The following SCN8A variants were observed in gnomAD, a reference collection of about 807,000 sequenced individuals.
The protein encoded by SCN8A is sodium channel protein type 8 subunit alpha.
A neutral mutation model predicts 184.1 loss-of-function variants in SCN8A; 30 were observed. The ratio of observed to expected loss-of-function variants is 0.16; its 90% CI spans 0.12 to 0.22. SCN8A has a LOEUF of 0.22. SCN8A is among the 10% of genes least tolerant of loss of function. The probability of loss-of-function intolerance (pLI) is 1.00; values close to 1 mark genes in which losing one functional copy is unlikely to be tolerated. For synonymous variants in SCN8A, 852 were observed against 907.0 expected, an observed-to-expected ratio of 0.94 and a Z score of 1.09; for missense variants, 1,057 against 2,498.9, an observed-to-expected ratio of 0.42 and a Z score of 12.30.
chr12:51,646,574 GAAGAA>G, intron 1 of SCN8A, among the ~76,000 whole-genome samples: 1 of 152,162 alleles, frequency 6.6e-6, no homozygotes, highest in Non-Finnish European at 1.5e-5. Flanking sequence ...AACTTTGCGA[GAAGAA>G]ATGAAACACT....
intron 1 of SCN8A, among the ~76,000 whole-genome samples, chr12:51,639,879 CTTTTTTTTTTTTTTTTTTT>C (rs71092712): frequency 2.3e-3 from 35 of 15,072 alleles, no homozygotes; most frequent in Admixed American, 3.1e-3. Flanking sequence ...AAGGTATATG[CTTTTTTTTTTTTTTTTTTT>C]TTTTTTTTTT....
chr12:51,767,876 T>TTGA (rs1942862562), intron 16 of SCN8A, among the ~76,000 whole-genome samples: 2 of 152,216 alleles, frequency 1.3e-5, no homozygotes, highest in African/African-American at 4.8e-5. Flanking sequence ...TGTCATCATC[T>TTGA]GTGACTCCTT....
chr12:51,603,721 T>C (rs1263819488), intron 1 of SCN8A, among the ~76,000 whole-genome samples: 1 of 152,116 alleles, frequency 6.6e-6, no homozygotes, highest in Non-Finnish European at 1.5e-5. Flanking sequence ...CTTGGAATTG[T>C]CAGGTTTAAA....
chr12:51,786,637 T>C lies in SCN8A; in HGVS notation c.4038T>C (p.Val1346=). Residue 1346 remains valine (V), a synonymous_variant, in exon 22 of 27, where the codon GTT becomes GTC. Transcript: ENST00000627620. ...GGCTGATTTTCAGCATCATGGGAGT[T>C]AACTTGTTTGCGGGAAAGTACCACT... is the stretch of plus-strand genomic sequence containing the variant. ...IFWLIFSIMG[V]NLFAGKYHYC... 6.2e-7 allele frequency: 1 copy of C among 1,614,134 alleles called. No homozygotes were observed. Among genetic ancestry groups the C allele is most frequent in the Non-Finnish European group, 8.5e-7 (1 of 1,179,978 alleles).
chr12:51,807,525 G>C lies in SCN8A; in HGVS notation c.*96G>C. On this transcript the variant is annotated 3_prime_UTR_variant, in exon 27 of 27. Transcript: ENST00000627620. This position sits in a 1 kb window ranked among gnomAD's most constrained non-coding sequence, Gnocchi z 4.5. ...ATATTATCAATGCAGAACAGCTGTG[G>C]AGACTCTAACCTGAAGATCTATACC... 1.5e-6 allele frequency: 2 copies of C among 1,295,360 alleles called. No individual in the cohort carries two copies. Among genetic ancestry groups the C allele is most frequent in the Non-Finnish European group, 2.2e-6 (2 of 919,900 alleles). 80.2% of individuals were successfully genotyped at this position (1,295,360 alleles called of 1,614,324 possible). A position where few individuals can be genotyped will look rare whatever the true frequency, so the allele number is the denominator to read the frequency against.
Position 51,745,673 on chromosome 12 carries a change from G to A in SCN8A, c.1999-230G>A, listed in dbSNP as rs568462108. On this transcript the variant is annotated intron_variant, in intron 12 of 26. Transcript: ENST00000627620. The stretch of plus-strand genomic sequence containing the variant: ...GTTTGGGTCCCAGCCAGATTCTTGG[G>A]GTCATTGTAGATTCACACAGACTTA... 2.6e-5 allele frequency among the ~76,000 whole-genome samples: 4 copies of A among 152,116 alleles called. 1 individual carries two copies. In the South Asian group the frequency reaches 8.3e-4, roughly 32 times the overall value.
At chr12:51,603,947 G>A (rs60808139) in intron 1 of SCN8A, among the ~76,000 whole-genome samples, 3,364 of 152,056 alleles carry the variant, frequency 0.022, 186 homozygotes, top group East Asian at 0.18. Flanking sequence ...TTTTAAAAAT[G>A]TTGTTTTTGA....
In SCN8A at chr12:51,744,871, A is replaced by G. The variant is rs1942485181; in HGVS notation, c.1999-1032A>G. 2.0e-5 allele frequency among the ~76,000 whole-genome samples: 3 copies of G among 152,286 alleles called. No homozygotes were observed. In the South Asian group the frequency reaches 6.2e-4, roughly 32 times the overall value. On this transcript the variant is annotated intron_variant, in intron 12 of 26. Transcript: ENST00000627620. ...TTTTCTTTTTAAAACAGCTAGGATC[A>G]TTCTCTTACTGATCAGACATATGCT...
At chr12:51,740,394 A>G (rs968842331) in intron 12 of SCN8A, among the ~76,000 whole-genome samples, 8 of 152,112 alleles carry the variant, frequency 5.3e-5, no homozygotes, top group African/African-American at 1.9e-4. Flanking sequence ...TAATTTCTTC[A>G]TTGACTTTGA....
intron 1 of SCN8A, among the ~76,000 whole-genome samples, chr12:51,615,391 C>CA (rs1939813567): frequency 6.6e-6 from 1 of 152,032 alleles, no homozygotes; most frequent in Non-Finnish European, 1.5e-5. Flanking sequence ...CCTATCCCTA[C>CA]AAAAAATACA....
In SCN8A at chr12:51,789,349, C is replaced by T. The variant is rs753234714; in HGVS notation, c.4350C>T (p.Phe1450=). 86 of 1,613,942 alleles carry T rather than the reference C, an allele frequency of 5.3e-5. No individual in the cohort carries two copies. Among genetic ancestry groups the T allele is most frequent in the Middle Eastern group, 1.6e-4 (1 of 6,062 alleles). The change falls in exon 24 of 27, where the codon TTC becomes TTT. Residue 1450 remains phenylalanine, a synonymous_variant. Transcript: ENST00000627620. The part of the protein sequence containing the change: ...MYIYFVIFII[F]GSFFTLNLFI... ...TCTATTTTGTCATCTTCATCATCTT[C>T]GGCTCCTTCTTCACCCTGAACCTGT...
chr12:51,591,853 G>T (rs1163285582), intron 1 of SCN8A, among the ~76,000 whole-genome samples: 3 of 151,150 alleles, frequency 2.0e-5, no homozygotes, highest in African/African-American at 4.9e-5. Context: ...GCTAAAAACT[G>T]CAGAAGCCAA....
chr12:51,593,604 A>G (rs1034430243), intron 1 of SCN8A, among the ~76,000 whole-genome samples: 1 of 152,074 alleles, frequency 6.6e-6, no homozygotes, highest in African/African-American at 2.4e-5. Flanking sequence ...GCTTGTATTC[A>G]GGTTTCTTGC....
chr12:51,645,153 G>A (rs1263837620), intron 1 of SCN8A, among the ~76,000 whole-genome samples: 2 of 149,848 alleles, frequency 1.3e-5, no homozygotes, highest in East Asian at 3.9e-4. Context: ...GCCCCTACTG[G>A]GAAGTGAGGA....
intron 1 of SCN8A, among the ~76,000 whole-genome samples, chr12:51,615,277 A>G (rs1939810505): frequency 6.6e-6 from 1 of 152,220 alleles, no homozygotes; most frequent in African/African-American, 2.4e-5. Flanking sequence ...TAGTACCACC[A>G]GGTGCAGTGG....
intron 1 of SCN8A, among the ~76,000 whole-genome samples, chr12:51,613,644 T>C (rs907718531): frequency 1.3e-5 from 2 of 152,106 alleles, no homozygotes; most frequent in Non-Finnish European, 2.9e-5. Context: ...TAATTTACTC[T>C]TCCTTTTCTG....
chr12:51,712,573 A>G, intron 11 of SCN8A: 3 of 777,886 alleles, frequency 3.9e-6, no homozygotes, highest in Non-Finnish European at 7.0e-6. Flanking sequence ...TGGGTCCATA[A>G]TTTGATTGCT....
intron 6 of SCN8A, among the ~76,000 whole-genome samples, chr12:51,694,611 C>A (rs1941563728): frequency 6.6e-6 from 1 of 152,214 alleles, no homozygotes. Context: ...GCTTCTGTTG[C>A]ACACTCTGTT....
intron 1 of SCN8A, among the ~76,000 whole-genome samples, chr12:51,645,272 C>G (rs1375227164): frequency 1.3e-5 from 2 of 149,848 alleles, no homozygotes; most frequent in Non-Finnish European, 1.5e-5. Context: ...GCCCAGCCGC[C>G]CCTACTGGGA....
Sources: gnomAD v4.1 joint callset for allele counts (sites outside exome capture counted in the v4.1 genomes callset) on GRCh38, gnomAD v4.1.1 for gene constraint, Gnocchi (gnomAD v3.1) non-coding constraint, MANE v1.5 for transcripts, NCBI Gene and HGNC (gene_info 2026-07-23, HGNC 2026-07-21) for gene names.